The following LRIG3 variants were observed in gnomAD, a reference collection of about 807,000 sequenced individuals.
LRIG3 encodes leucine rich repeats and immunoglobulin like domains 3.
LRIG3 carries 76 observed loss-of-function variants against 114.5 expected under a neutral mutation model. That is an observed-to-expected ratio of 0.66 (90% CI 0.55 to 0.80). The LOEUF is 0.80. LRIG3 is among the 30% of genes least tolerant of loss of function. LRIG3 has a pLI of 0.00. For missense variants in LRIG3, 1,239 were observed against 1,382.8 expected (o/e 0.90, Z 1.65); for synonymous variants, 512 against 519.8 (o/e 0.98, Z 0.20).
intron 1 of LRIG3, among the ~76,000 whole-genome samples, chr12:58,919,203 A>C (rs1872582280): frequency 6.6e-6 from 1 of 152,122 alleles, no homozygotes; most frequent in African/African-American, 2.4e-5. Flanking sequence ...ACTAAATTAC[A>C]TTTTCTTCCT....
At chr12:58,919,975 CT>C (rs1481870267) in intron 1 of LRIG3, 24 bp downstream of exon 1, 1 of 1,546,318 alleles carries the variant, frequency 6.5e-7, no homozygotes, top group Non-Finnish European at 8.7e-7. Context: ...CCCGGGCCCC[CT>C]CCCCCCGCGG....
intron 15 of LRIG3, among the ~76,000 whole-genome samples, chr12:58,876,961 C>G (rs1870943137): frequency 6.6e-6 from 1 of 152,102 alleles, no homozygotes; most frequent in Non-Finnish European, 1.5e-5. Flanking sequence ...CTTAATATTA[C>G]TAATCAATAT....
intron 13 of LRIG3, 59 bp from the exon 14 acceptor site, chr12:58,879,164 A>G: frequency 1.3e-6 from 2 of 1,486,842 alleles, no homozygotes; most frequent in Non-Finnish European, 9.1e-7. Context: ...GTTCACTTGC[A>G]TTCCTTTTTA....
chr12:58,902,315 C>A (rs1216981823), intron 3 of LRIG3, among the ~76,000 whole-genome samples: 1 of 152,004 alleles, frequency 6.6e-6, no homozygotes, highest in African/African-American at 2.4e-5. Context: ...ATCATAATTT[C>A]TTATTTTAAA....
At chr12:58,886,959 C>T (rs980333683) in intron 8 of LRIG3, 69 bp from the exon 9 acceptor site, 47 of 1,181,916 alleles carry the variant, frequency 4.0e-5, no homozygotes, top group Non-Finnish European at 5.6e-5. Context: ...ACCCAGGTGG[C>T]ATATCATTTG....
intron 1 of LRIG3, among the ~76,000 whole-genome samples, chr12:58,915,779 T>TC (rs1372531189): frequency 2.6e-5 from 4 of 152,194 alleles, no homozygotes; most frequent in Non-Finnish European, 5.9e-5. Flanking sequence ...CATCTGGAGT[T>TC]CATCAAGGAA....
chr12:58,892,723 C>T (rs976256458), intron 3 of LRIG3, among the ~76,000 whole-genome samples: 3 of 152,172 alleles, frequency 2.0e-5, no homozygotes, highest in African/African-American at 7.2e-5. Flanking sequence ...ATATATTATG[C>T]CCTTTAATCA....
At chr12:58,898,526 C>T (rs1871725752) in intron 3 of LRIG3, among the ~76,000 whole-genome samples, 1 of 152,232 alleles carries the variant, frequency 6.6e-6, no homozygotes, top group Non-Finnish European at 1.5e-5. Context: ...TCTTGGCTTG[C>T]TCCTTCATTT....
rs1309403709 is a variant in LRIG3 at position 58,874,652 on chromosome 12, T to C, written c.2696-79A>G. ...TTCTCCCCAGTTTTGGCATCTTCCA[T>C]ATTTATAGATGAAAGTTTGACTAGA... On this transcript the variant is annotated intron_variant, in intron 16 of 18. Coordinates refer to ENST00000320743, the MANE Select transcript of LRIG3 (RefSeq NM_153377.5). The C allele has an allele frequency of 1.2e-5, 18 of 1,551,696 alleles. No homozygotes were observed. The South Asian group carries it at 1.8e-4, about 16-fold the overall frequency.
At chr12:58,910,768 C>T (rs899722165) in intron 3 of LRIG3, among the ~76,000 whole-genome samples, 3 of 152,224 alleles carry the variant, frequency 2.0e-5, no homozygotes, top group Admixed American at 6.5e-5. Flanking sequence ...CAACTAGCTC[C>T]GTTTAATAAC....
At chr12:58,913,370 A>G (rs1029186394) in intron 3 of LRIG3, 10 of 152,262 alleles carry the variant, frequency 6.6e-5, no homozygotes, top group East Asian at 3.8e-4. Context: ...GCATGTATAT[A>G]CAACGTTACC....
At chr12:58,873,267 A>G (rs1430291964) in intron 18 of LRIG3, among the ~76,000 whole-genome samples, 3 of 152,196 alleles carry the variant, frequency 2.0e-5, no homozygotes, top group Non-Finnish European at 4.4e-5. Context: ...ATATTACTCA[A>G]TTGAATCAAA....
intron 12 of LRIG3, among the ~76,000 whole-genome samples, chr12:58,882,625 C>T (rs894158315): frequency 6.6e-6 from 1 of 152,068 alleles, no homozygotes; most frequent in Non-Finnish European, 1.5e-5. Context: ...TCCCAAGATC[C>T]AATTTCATTC....
At chr12:58,888,557 C>G in intron 6 of LRIG3, 85 bp from the exon 7 acceptor site, 1 of 1,521,114 alleles carries the variant, frequency 6.6e-7, no homozygotes, top group Non-Finnish European at 8.9e-7. Flanking sequence ...CAACCTATTA[C>G]AGATTCCTAT....
intron 3 of LRIG3, among the ~76,000 whole-genome samples, chr12:58,904,774 ACCATGGG>A (rs1871997532): frequency 6.6e-6 from 1 of 152,198 alleles, no homozygotes; most frequent in South Asian, 2.1e-4. Flanking sequence ...CTGAGCATCC[ACCATGGG>A]CCAGGCACTA....
At chr12:58,878,786 A>G in intron 14 of LRIG3, 38 bp downstream of exon 14, 1 of 1,583,286 alleles carries the variant, frequency 6.3e-7, no homozygotes, top group Non-Finnish European at 8.6e-7. Flanking sequence ...TATCTTCAAG[A>G]CTGATTTATA....
intron 3 of LRIG3, among the ~76,000 whole-genome samples, chr12:58,898,702 A>C (rs1472529572): frequency 1.3e-5 from 2 of 151,674 alleles, no homozygotes; most frequent in African/African-American, 4.8e-5. Flanking sequence ...CTCTGTTGCC[A>C]CGGTGGAGTG....
chr12:58,886,939 T>G (rs1393587834), intron 8 of LRIG3, 49 bp from the exon 9 acceptor site: 2 of 1,432,526 alleles, frequency 1.4e-6, no homozygotes, highest in Non-Finnish European at 2.0e-6. Flanking sequence ...TCAGAAAGCC[T>G]AGTATCACCA....
intron 3 of LRIG3, among the ~76,000 whole-genome samples, chr12:58,898,664 G>GT (rs527352085): frequency 6.6e-4 from 98 of 149,062 alleles, no homozygotes; most frequent in Admixed American, 3.2e-3. Flanking sequence ...TTTCTCCCTT[G>GT]TTTTTTTTTT....
Sources: gnomAD v4.1 joint callset for allele counts (sites outside exome capture counted in the v4.1 genomes callset) on GRCh38, gnomAD v4.1.1 for gene constraint, MANE v1.5 for transcripts, NCBI Gene and HGNC (gene_info 2026-07-23, HGNC 2026-07-21) for gene names.